Variants in RAP1GAP2 observed in about 807,000 individuals in gnomAD.
The protein encoded by RAP1GAP2 is rap1 GTPase-activating protein 2.
A neutral mutation model predicts 95.0 loss-of-function variants in RAP1GAP2; 27 were observed. The observed-to-expected ratio is 0.28, with a 90% CI of 0.21 to 0.39. The LOEUF (loss-of-function observed/expected upper bound fraction) is 0.39, where lower values mean the gene tolerates loss of function less well. Among genes scored for constraint, RAP1GAP2 ranks in the 10% least tolerant of loss-of-function variants. The probability of loss-of-function intolerance (pLI) is 1.00; values close to 1 mark genes in which losing one functional copy is unlikely to be tolerated. For missense variants in RAP1GAP2, 771 were observed against 970.0 expected (o/e 0.79, Z 2.72); for synonymous variants, 373 against 380.9 (o/e 0.98, Z 0.24).
intron 2 of RAP1GAP2, among the ~76,000 whole-genome samples, chr17:2,820,574 C>G (rs62089694): frequency 0.17 from 24,969 of 148,430 alleles, 2,506 homozygotes; most frequent in South Asian, 0.33. Flanking sequence ...GAGCTGAGAT[C>G]TCATCACTGC....
chr17:2,824,739 T>TC (rs1555548129), intron 2 of RAP1GAP2, among the ~76,000 whole-genome samples: 1 of 87,616 alleles, frequency 1.1e-5, no homozygotes, highest in African/African-American at 4.6e-5. Context: ...AAACTCTGTC[T>TC]CAAAAAAAAA....
Position 3,004,605 on chromosome 17 carries a change from C to T in RAP1GAP2, c.1201-764C>T, listed in dbSNP as rs1261405319. Among the ~76,000 whole-genome samples, 1 of 152,252 alleles carries T rather than the reference C, an allele frequency of 6.6e-6. No individual in the cohort carries two copies. The highest frequency in any genetic ancestry group is 2.4e-5 in the African/African-American group (1 of 41,460). On this transcript the variant is annotated intron_variant, in intron 14 of 24. Coordinates refer to ENST00000254695, the MANE Select transcript of RAP1GAP2 (RefSeq NM_015085.5). This position sits in a 1 kb window ranked among gnomAD's most constrained non-coding sequence, Gnocchi z 4.1. ...GCCTGGGCGACCCCCATGCAGCGAA[C>T]CTCGAGGCCGTCACTCTAAAGCTCA...
chr17:2,999,782 A>G (rs2046089416), intron 14 of RAP1GAP2, among the ~76,000 whole-genome samples: 4 of 113,910 alleles, frequency 3.5e-5, no homozygotes, highest in Admixed American at 3.2e-4. Flanking sequence ...CCCTGTCTCT[A>G]AAAAAAAAAA....
chr17:2,774,222 G>A (rs78416223), upstream of RAP1GAP2, among the ~76,000 whole-genome samples: 13,527 of 152,188 alleles, frequency 0.089, 870 homozygotes, highest in East Asian at 0.23. Flanking sequence ...CAAAGAAAAC[G>A]CTTACATTTT....
intron 3 of RAP1GAP2, among the ~76,000 whole-genome samples, chr17:2,931,283 TGTG>T (rs2043145326): frequency 3.3e-5 from 1 of 30,470 alleles, no homozygotes; most frequent in African/African-American, 5.1e-5. Context: ...GTGTTTCTTG[TGTG>T]TGTGTGTGTG....
intron 3 of RAP1GAP2, among the ~76,000 whole-genome samples, chr17:2,910,015 A>C (rs777086086): frequency 6.4e-4 from 97 of 152,312 alleles, no homozygotes; most frequent in Admixed American, 1.3e-3. Context: ...CTAACCACCC[A>C]TGAGGGATTT....
In RAP1GAP2 at chr17:2,866,896, G is replaced by A. The variant is rs940211081; in HGVS notation, c.81-38388G>A. 6.7e-6 allele frequency among the ~76,000 whole-genome samples: 1 copy of A among 148,368 alleles called. No homozygotes were observed. The highest frequency in any genetic ancestry group is 2.5e-5 in the African/African-American group (1 of 40,044). ...ATTACAGGTGTGAGCCACTGCACTC[G>A]GCCTATTTTATTTTTTATTTTAGAG... On this transcript the variant is annotated intron_variant, in intron 2 of 24. Transcript: ENST00000254695. This position sits in a 1 kb window ranked among gnomAD's most constrained non-coding sequence, Gnocchi z 4.0.
At chr17:2,969,795 C>T (rs781782080) in intron 8 of RAP1GAP2, among the ~76,000 whole-genome samples, 4 of 151,820 alleles carry the variant, frequency 2.6e-5, no homozygotes, top group Non-Finnish European at 5.9e-5. Context: ...TGAGTCACCG[C>T]GTCTGGCCTA....
At chr17:2,925,376 A>G (rs546020829) in intron 3 of RAP1GAP2, among the ~76,000 whole-genome samples, 2 of 152,294 alleles carry the variant, frequency 1.3e-5, no homozygotes, top group East Asian at 3.9e-4. Flanking sequence ...GGGAGGCCTC[A>G]GGAAACTTAC....
At position 2,980,281 on chromosome 17, in the gene RAP1GAP2, G is replaced by A. The variant is rs769079514; in HGVS notation, c.597-6G>A. ...GGGATGTCCTTTTTTCTCCCGTCTTGTGCAGGTCCAAACTGAAGACGGTAC... is the reference window on the plus strand; with the variant it reads ...GGGATGTCCTTTTTTCTCCCGTCTTATGCAGGTCCAAACTGAAGACGGTAC... On this transcript the variant is annotated splice_region_variant and splice_polypyrimidine_tract_variant and intron_variant, in intron 8 of 24. Transcript: ENST00000254695. 1 of 1,613,544 alleles carries A rather than the reference G, an allele frequency of 6.2e-7. No homozygotes were observed. Among genetic ancestry groups the A allele is most frequent in the Non-Finnish European group, 8.5e-7 (1 of 1,179,662 alleles).
intron 13 of RAP1GAP2, among the ~76,000 whole-genome samples, chr17:2,996,765 G>A (rs940056878): frequency 6.6e-6 from 1 of 152,210 alleles, no homozygotes; most frequent in African/African-American, 2.4e-5. Context: ...TAAATATTAA[G>A]TTTCTCTTCC....
rs573563420 is a variant in RAP1GAP2, at chr17:2,887,372, C to CT, written c.81-17910dup. On this transcript the variant is annotated intron_variant, in intron 2 of 24. Coordinates refer to ENST00000254695, the MANE Select transcript of RAP1GAP2 (RefSeq NM_015085.5). ...CGTACCTGGCTGATGATGAAGAATA[C>CT]TTACCTTTTTTTTTTTTTTAAGATG... Among the ~76,000 whole-genome samples, 19 of 150,316 alleles carry CT rather than the reference C, an allele frequency of 1.3e-4. No homozygotes were observed. The South Asian group carries it at 3.8e-3, about 30-fold the overall frequency.
At chr17:2,831,526 G>C (rs916025253) in intron 2 of RAP1GAP2, among the ~76,000 whole-genome samples, 1 of 151,548 alleles carries the variant, frequency 6.6e-6, no homozygotes, top group Admixed American at 6.6e-5. Flanking sequence ...AGTATTTAAC[G>C]GTGTGGATTT....
chr17:2,854,089 A>G (rs2072020181), intron 2 of RAP1GAP2: 1 of 985,262 alleles, frequency 1.0e-6, no homozygotes, highest in African/African-American at 1.7e-5. Flanking sequence ...CCGGAGGCAG[A>G]ATAAAGAGAA....
At chr17:2,911,929 C>T (rs751846617) in intron 3 of RAP1GAP2, among the ~76,000 whole-genome samples, 2 of 152,176 alleles carry the variant, frequency 1.3e-5, no homozygotes, top group African/African-American at 2.4e-5. Flanking sequence ...TGAGCTGGCT[C>T]GGTCAGCTGG....
chr17:2,947,404 A>G (rs2043740410), intron 3 of RAP1GAP2, among the ~76,000 whole-genome samples: 1 of 152,092 alleles, frequency 6.6e-6, no homozygotes, highest in Non-Finnish European at 1.5e-5. Flanking sequence ...TGTTAATAGC[A>G]GTAACACTGG....
chr17:2,852,599 CAAAAAACA>C (rs1434651146), intron 2 of RAP1GAP2, among the ~76,000 whole-genome samples: 1 of 151,684 alleles, frequency 6.6e-6, no homozygotes, highest in African/African-American at 2.4e-5. Flanking sequence ...AAAAACAAAA[CAAAAAACA>C]AAACAACAAC....
chr17:2,856,983 T>C (rs2072166526), intron 2 of RAP1GAP2, among the ~76,000 whole-genome samples: 1 of 152,246 alleles, frequency 6.6e-6, no homozygotes, highest in African/African-American at 2.4e-5. Context: ...GCAAGCACTA[T>C]TGACCCTTGC....
upstream of RAP1GAP2, among the ~76,000 whole-genome samples, chr17:2,794,784 C>T (rs1000511081): frequency 6.6e-6 from 1 of 151,850 alleles, no homozygotes; most frequent in African/African-American, 2.4e-5. Flanking sequence ...AGGACCTTCA[C>T]AGTGGCAGCA....
Sources: gnomAD v4.1 joint callset for allele counts (sites outside exome capture counted in the v4.1 genomes callset) on GRCh38, gnomAD v4.1.1 for gene constraint, Gnocchi (gnomAD v3.1) non-coding constraint, MANE v1.5 for transcripts, NCBI Gene and HGNC (gene_info 2026-07-23, HGNC 2026-07-21) for gene names.